Variants in IAPP observed in about 807,000 individuals in gnomAD.
The protein encoded by IAPP is islet amyloid polypeptide.
A neutral mutation model predicts 2.9 loss-of-function variants in IAPP; 4 were observed. That is an observed-to-expected ratio of 1.39 (90% CI 0.69 to 3.19). The LOEUF (loss-of-function observed/expected upper bound fraction) is 3.19. Among genes scored for constraint, IAPP ranks in the 30% most tolerant of loss-of-function variants. The pLI is 0.01. For missense variants in IAPP, 114 were observed against 105.3 expected (o/e 1.08, Z -0.36); for synonymous variants, 40 against 42.1 (o/e 0.95, Z 0.19).
At chr12:21,361,492 G>C (rs1304902081) in intron 1 of IAPP, among the ~76,000 whole-genome samples, 2 of 152,306 alleles carry the variant, frequency 1.3e-5, no homozygotes, top group South Asian at 4.1e-4. Flanking sequence ...CTCCTCCAAA[G>C]GAACAGAGCT....
intron 1 of IAPP, among the ~76,000 whole-genome samples, chr12:21,367,067 A>G (rs1209801737): frequency 2.0e-5 from 3 of 152,164 alleles, no homozygotes; most frequent in Non-Finnish European, 2.9e-5. Context: ...ATTTAAATAT[A>G]TCAGGAATAC....
upstream of IAPP, among the ~76,000 whole-genome samples, chr12:21,372,259 T>C (rs1164737562): frequency 6.6e-6 from 1 of 152,162 alleles, no homozygotes; most frequent in African/African-American, 2.4e-5. Context: ...TGGATCTCTA[T>C]CTAAGTGCTG....
chr12:21,359,684 T>G (rs1278768250), intron 1 of IAPP, among the ~76,000 whole-genome samples: 1 of 151,716 alleles, frequency 6.6e-6, no homozygotes, highest in African/African-American at 2.4e-5. Context: ...GAGGCAGAGC[T>G]TGCAGTGAGC....
At chr12:21,368,222 A>G (rs1248449134), upstream of IAPP, among the ~76,000 whole-genome samples, 2 of 152,188 alleles carry the variant, frequency 1.3e-5, no homozygotes, top group East Asian at 3.8e-4. Flanking sequence ...TGGAAGCCGA[A>G]TCATATCAAG....
intron 1 of IAPP, among the ~76,000 whole-genome samples, chr12:21,367,703 C>T (rs905287164): frequency 6.6e-6 from 1 of 151,856 alleles, no homozygotes; most frequent in Non-Finnish European, 1.5e-5. Context: ...TATAAAATCA[C>T]GCCATTCATC....
At chr12:21,366,480 C>T (rs144832548) in intron 1 of IAPP, among the ~76,000 whole-genome samples, 170 of 152,046 alleles carry the variant, frequency 1.1e-3, no homozygotes, top group African/African-American at 3.6e-3. Flanking sequence ...ACCAACATGG[C>T]GCACGTATTC....
chr12:21,372,019 AAAAG>A (rs576742850), upstream of IAPP, among the ~76,000 whole-genome samples: 25 of 150,982 alleles, frequency 1.7e-4, no homozygotes, highest in Non-Finnish European at 3.4e-4. Context: ...AAAAGAAAAA[AAAAG>A]AAAGAGAGAA....
At chr12:21,373,282 A>G (rs191747696) in intron 1 of IAPP, 55 bp from the exon 2 acceptor site, 374 of 1,045,430 alleles carry the variant, frequency 3.6e-4, no homozygotes, top group Admixed American at 7.0e-4. Context: ...TTAAAATTAC[A>G]TCAATTAGAA....
At chr12:21,367,469 T>A (rs57041616) in intron 1 of IAPP, among the ~76,000 whole-genome samples, 3,900 of 152,166 alleles carry the variant, frequency 0.026, 67 homozygotes, top group East Asian at 0.052. Flanking sequence ...AAGATTTCCA[T>A]GAGAATGGGC....
chr12:21,373,535 C>A (rs2137094102), intron 2 of IAPP, 104 bp downstream of exon 2: 1 of 815,094 alleles, frequency 1.2e-6, no homozygotes, highest in Non-Finnish European at 2.1e-6. Flanking sequence ...CTGACTATAT[C>A]ATACTTAAGA....
intron 1 of IAPP, among the ~76,000 whole-genome samples, chr12:21,361,292 A>G (rs571508534): frequency 6.6e-5 from 10 of 152,230 alleles, no homozygotes; most frequent in African/African-American, 9.6e-5. Flanking sequence ...GTGGACCTCC[A>G]GCAAACTCCA....
At chr12:21,363,569 G>C (rs181987082) in intron 1 of IAPP, among the ~76,000 whole-genome samples, 11 of 152,088 alleles carry the variant, frequency 7.2e-5, no homozygotes, top group Non-Finnish European at 1.5e-4. Context: ...AGTAGATAGA[G>C]ACACAAAAAA....
chr12:21,375,133 G>A (rs1209142295), intron 2 of IAPP, among the ~76,000 whole-genome samples: 1 of 152,080 alleles, frequency 6.6e-6, no homozygotes, highest in East Asian at 1.9e-4. Flanking sequence ...TGTTTTTATA[G>A]ATGTTTGTTT....
chr12:21,378,316 A>G lies in IAPP; in HGVS notation c.160A>G (p.Asn54Asp). 1 of 1,614,210 alleles carries G rather than the reference A, an allele frequency of 6.2e-7. No individual in the cohort carries two copies. Among genetic ancestry groups the G allele is most frequent in the Non-Finnish European group, 8.5e-7 (1 of 1,180,006 alleles). Residue 54 changes from asparagine (N) to aspartate (D), a missense_variant, in exon 3 of 3, where the codon AAC becomes GAC. Transcript: ENST00000240652. The stretch of plus-strand genomic sequence containing the variant: ...GGCAAATTTTTTAGTTCATTCCAGC[A>G]ACAACTTTGGTGCCATTCTCTCATC... ...RLANFLVHSS[N>D]NFGAILSSTN...
At chr12:21,374,208 TTAGAG>T (rs1453171325) in intron 2 of IAPP, among the ~76,000 whole-genome samples, 4 of 152,210 alleles carry the variant, frequency 2.6e-5, no homozygotes, top group African/African-American at 4.8e-5. Flanking sequence ...CGTAAAACTC[TTAGAG>T]TAGTTAAAAT....
chr12:21,370,304 C>T (rs1287370422), upstream of IAPP, among the ~76,000 whole-genome samples: 1 of 151,576 alleles, frequency 6.6e-6, no homozygotes, highest in African/African-American at 2.4e-5. Flanking sequence ...ATATGATAGT[C>T]CTTATAAAAT....
upstream of IAPP, among the ~76,000 whole-genome samples, chr12:21,368,243 A>G (rs1409388638): frequency 6.6e-6 from 1 of 152,194 alleles, no homozygotes; most frequent in East Asian, 1.9e-4. Context: ...CCTCTAGACC[A>G]AACTACAAGT....
In IAPP at chr12:21,358,035, C is replaced by G. The variant is rs1477319411; in HGVS notation, c.-16+3022C>G. 1.5e-4 allele frequency among the ~76,000 whole-genome samples: 23 copies of G among 152,078 alleles called. 1 individual carries two copies. The highest frequency in any genetic ancestry group is 1.5e-3 in the Admixed American group (23 of 15,274). On this transcript the variant is annotated intron_variant, in intron 1 of 2. Coordinates refer to the IAPP transcript ENST00000539393. ...GTGGGGCAGGGTGGAGTGAGTTGGT[C>G]TCCTGTCTCTTTTCAAAACTTTACT... is the stretch of plus-strand genomic sequence containing the variant.
At chr12:21,373,838 G>A (rs1413083879) in intron 2 of IAPP, 2 of 527,980 alleles carry the variant, frequency 3.8e-6, no homozygotes, top group Non-Finnish European at 6.6e-6. Flanking sequence ...ATATTACTTA[G>A]ATTTTTGTTT....
Sources: allele counts gnomAD v4.1 joint callset (sites outside exome capture counted in the v4.1 genomes callset), GRCh38; gene constraint gnomAD v4.1.1; transcripts MANE v1.5; gene names NCBI Gene and HGNC (gene_info 2026-07-23, HGNC 2026-07-21).